Variants in LIMA1 observed in about 807,000 individuals in gnomAD.
The protein encoded by LIMA1 is LIM domain and actin-binding protein 1.
A neutral mutation model predicts 62.6 loss-of-function variants in LIMA1; 52 were observed. The observed-to-expected ratio is 0.83, with a 90% CI of 0.67 to 1.05. LIMA1 has a LOEUF of 1.05. Ranked by LOEUF, LIMA1 falls within the 50% of genes least tolerant of loss-of-function variation. The pLI is 0.00. For synonymous variants in LIMA1, 302 were observed against 317.8 expected (o/e 0.95, Z 0.53); for missense variants, 780 against 902.2 (o/e 0.86, Z 1.74).
chr12:50,217,689 C>A, intron 4 of LIMA1: 1 of 242,420 alleles, frequency 4.1e-6, no homozygotes, highest in Non-Finnish European at 8.3e-6. Context: ...CGTGGGGCAG[C>A]ACCCGCAGGT....
intron 1 of LIMA1, among the ~76,000 whole-genome samples, chr12:50,274,285 T>C (rs569515935): frequency 1.3e-5 from 2 of 152,290 alleles, no homozygotes; most frequent in South Asian, 4.1e-4. Context: ...GAAGATATAA[T>C]GTTAAAAATG....
intron 1 of LIMA1, among the ~76,000 whole-genome samples, chr12:50,265,520 C>CA (rs761424965): frequency 1.6e-3 from 203 of 125,128 alleles, no homozygotes; most frequent in South Asian, 5.2e-3. Context: ...AATTCCATCT[C>CA]AAAAAAAAAA....
At chr12:50,261,042 A>ATTTTTTTT (rs71083524) in intron 1 of LIMA1, among the ~76,000 whole-genome samples, 580 of 54,238 alleles carry the variant, frequency 0.011, 109 homozygotes, top group East Asian at 0.069. Flanking sequence ...CATCTAGTAT[A>ATTTTTTTT]TTTTTTTTTT....
At chr12:50,215,816 G>T (rs189940494) in intron 4 of LIMA1, among the ~76,000 whole-genome samples, 3 of 152,020 alleles carry the variant, frequency 2.0e-5, no homozygotes, top group Non-Finnish European at 1.5e-5. Context: ...TTGGAAGGCC[G>T]AGGTGGGTGG....
chr12:50,252,617 T>G, intron 1 of LIMA1, among the ~76,000 whole-genome samples: 1 of 147,004 alleles, frequency 6.8e-6, no homozygotes. Flanking sequence ...TAATGGGGCC[T>G]GACTGGGAAG....
chr12:50,259,814 A>C (rs1313923400), intron 1 of LIMA1, among the ~76,000 whole-genome samples: 1 of 152,194 alleles, frequency 6.6e-6, no homozygotes, highest in Non-Finnish European at 1.5e-5. Context: ...ACAAGAATGT[A>C]AATGTTTACA....
At chr12:50,194,202 T>C (rs1321987100) in intron 8 of LIMA1, among the ~76,000 whole-genome samples, 1 of 151,950 alleles carries the variant, frequency 6.6e-6, no homozygotes, top group Non-Finnish European at 1.5e-5. Flanking sequence ...TTGACCAGGC[T>C]GGTCTTGAAC....
At chr12:50,198,095 AT>A (rs1401197102) in intron 7 of LIMA1, among the ~76,000 whole-genome samples, 1 of 151,974 alleles carries the variant, frequency 6.6e-6, no homozygotes, top group Non-Finnish European at 1.5e-5. Context: ...CTATTCTAAT[AT>A]TTTTTTCTGT....
chr12:50,183,238 A>G (rs756652669), intron 9 of LIMA1, among the ~76,000 whole-genome samples: 1 of 152,062 alleles, frequency 6.6e-6, no homozygotes, highest in African/African-American at 2.4e-5. Context: ...ATGGCTACTA[A>G]GGGGTGGGGA....
rs150918416 is a variant in LIMA1 at position 50,219,831 on chromosome 12, G to A, written c.630+2190C>T. The A allele has an allele frequency of 6.6e-3, 996 of 151,290 alleles. 1 individual carries two copies. Among genetic ancestry groups the A allele is most frequent in the Non-Finnish European group, 8.4e-3 (572 of 67,870 alleles). 9.4% of individuals were successfully genotyped at this position (151,290 alleles called of 1,614,324 possible). Reference sequence around the variant, plus strand: ...CTCCTAAGTAGCTGGGACTATCAATGCATACTACCACACCTGGCTAATTTT... The same window carrying A: ...CTCCTAAGTAGCTGGGACTATCAATACATACTACCACACCTGGCTAATTTT... On this transcript the variant is annotated intron_variant, in intron 4 of 10. Transcript: ENST00000341247.
chr12:50,206,049 C>G lies in LIMA1; in HGVS notation c.650G>C (p.Arg217Pro). ...TQTKILRAQS[R>P]SASGRKISEN... ...AGAGATCTTCCTTCCACTTGCACTT[C>G]GGCTTTGGGCCCGGAGAATCTGGAA... The change falls in exon 5 of 11, where the codon CGA (arginine) becomes CCA (proline). Residue 217 changes from arginine to proline, a missense_variant. Transcript: ENST00000341247. The G allele has an allele frequency of 6.2e-7, 1 of 1,612,894 alleles. No individual in the cohort carries two copies. The highest frequency in any genetic ancestry group is 2.2e-5 in the East Asian group (1 of 44,840).
intron 2 of LIMA1, among the ~76,000 whole-genome samples, chr12:50,235,136 G>A (rs922112319): frequency 2.6e-5 from 4 of 151,984 alleles, no homozygotes; most frequent in Non-Finnish European, 4.4e-5. Flanking sequence ...GTCACGCTAT[G>A]TTGCCCAAGC....
chr12:50,242,953 A>G (rs1941798443), intron 2 of LIMA1, among the ~76,000 whole-genome samples: 2 of 152,224 alleles, frequency 1.3e-5, no homozygotes, highest in Non-Finnish European at 2.9e-5. Context: ...ATTCTCTTTA[A>G]TTCCAAAAAT....
intron 2 of LIMA1, among the ~76,000 whole-genome samples, chr12:50,245,427 A>G (rs1465139185): frequency 2.0e-4 from 30 of 151,290 alleles, no homozygotes; most frequent in East Asian, 7.8e-4. Flanking sequence ...AAAAAAAAAA[A>G]AGAGAGAGAG....
intron 3 of LIMA1, chr12:50,222,734 C>A: frequency 3.0e-6 from 4 of 1,330,568 alleles, no homozygotes; most frequent in South Asian, 1.6e-5. Flanking sequence ...CTTATAAGGA[C>A]AAAATGAGAA....
intron 1 of LIMA1, 74 bp from the exon 2 acceptor site, chr12:50,248,848 G>C: frequency 1.3e-6 from 1 of 778,422 alleles, no homozygotes; most frequent in Non-Finnish European, 2.2e-6. Flanking sequence ...GCAGTGGTGT[G>C]GTAGAGCCCT....
Position 50,206,201 on chromosome 12 carries a change from T to TA in LIMA1, c.631-134dup, listed in dbSNP as rs1941150488. 4 of 627,424 alleles carry TA rather than the reference T, an allele frequency of 6.4e-6. No individual in the cohort carries two copies. The South Asian group carries it at 7.6e-5, about 12-fold the overall frequency. The allele number at this position is 627,424 out of a possible 1,614,324, so 38.9% of individuals were successfully genotyped here. On this transcript the variant is annotated intron_variant, in intron 4 of 10. Transcript: ENST00000341247. The stretch of plus-strand genomic sequence containing the variant: ...ATTTTATATTCTATAGAATTTTTTT[T>TA]AAATTACAAATATCAAGCACTACAC...
At chr12:50,260,996 C>T (rs17274495) in intron 1 of LIMA1, among the ~76,000 whole-genome samples, 3,778 of 141,102 alleles carry the variant, frequency 0.027, 101 homozygotes, top group Non-Finnish European at 0.043. Flanking sequence ...GCTATTTTAC[C>T]CCTCTCCCTG....
intron 3 of LIMA1, among the ~76,000 whole-genome samples, chr12:50,230,585 T>G (rs1437466415): frequency 6.6e-6 from 1 of 152,092 alleles, no homozygotes; most frequent in African/African-American, 2.4e-5. Context: ...TCTTTTTTTT[T>G]GAGACAGAGT....
Sources: allele counts gnomAD v4.1 joint callset (sites outside exome capture counted in the v4.1 genomes callset), GRCh38; gene constraint gnomAD v4.1.1; transcripts MANE v1.5; gene names NCBI Gene and HGNC (gene_info 2026-07-23, HGNC 2026-07-21).